CEP290: variants seen among roughly 807,000 people sequenced by gnomAD.
CEP290 encodes centrosomal protein 290, also known as centrosomal protein of 290 kDa.
A neutral mutation model predicts 344.9 loss-of-function variants in CEP290; 317 were observed. The ratio of observed to expected loss-of-function variants is 0.92; its 90% CI spans 0.84 to 1.01. The LOEUF (loss-of-function observed/expected upper bound fraction) is 1.01. Ranked by LOEUF, CEP290 falls within the 50% of genes least tolerant of loss-of-function variation. The pLI is 0.00. For missense variants in CEP290, 2,754 were observed against 2,761.4 expected (o/e 1.00, Z 0.06); for synonymous variants, 932 against 895.8 (o/e 1.04, Z -0.72).
Position 88,086,426 on chromosome 12 carries a change from G to A in CEP290, c.4267C>T (p.Arg1423Cys), listed in dbSNP as rs1353027764. Residue 1423 changes from arginine to cysteine, a missense_variant, in exon 33 of 54, where the codon CGT becomes TGT. Transcript: ENST00000552810. ...GCATTTAGTATTTCATTTTGCTGAC[G>A]GTCAAAAATGTCTAGTTGGCGTTCC... ...DLERQLDIFD[R>C]QQNEILNAAQ... 6.9e-6 allele frequency: 11 copies of A among 1,597,458 alleles called. No homozygotes were observed. Among genetic ancestry groups the A allele is most frequent in the African/African-American group, 2.7e-5 (2 of 74,626 alleles).
Position 88,096,921 on chromosome 12 carries a change from T to C in CEP290, c.3070A>G (p.Ile1024Val). 1.3e-6 allele frequency: 2 copies of C among 1,579,838 alleles called. No individual in the cohort carries two copies. The highest frequency in any genetic ancestry group is 1.7e-6 in the Non-Finnish European group (2 of 1,159,572). The part of the protein sequence containing the change: ...LEITKEKLHT[I>V]EQAWEQETKL... ...GTTTCCTGTTCCCAGGCTTGTTCAATAGTGTGAAGTTTTTCCTTGGTAATC... is the reference window on the plus strand; with the variant it reads ...GTTTCCTGTTCCCAGGCTTGTTCAACAGTGTGAAGTTTTTCCTTGGTAATC... Residue 1024 changes from isoleucine (I) to valine (V), a missense_variant, in exon 27 of 54, where the codon ATT becomes GTT. By Grantham distance (29) the Ile-to-Val change is conservative (BLOSUM62 3). Transcript: ENST00000552810.
intron 27 of CEP290, 129 bp downstream of exon 27, chr12:88,096,759 A>G: frequency 1.8e-6 from 1 of 556,484 alleles, no homozygotes; most frequent in Non-Finnish European, 3.1e-6. Flanking sequence ...TTAAATTATT[A>G]GGCAGAAAGT....
chr12:88,053,738 T>A lies in CEP290; in HGVS notation c.7043A>T (p.Asn2348Ile). 6.6e-7 allele frequency: 1 copy of A among 1,507,612 alleles called. No homozygotes were observed. The highest frequency in any genetic ancestry group is 9.0e-7 in the Non-Finnish European group (1 of 1,113,118). The allele number at this position is 1,507,612 out of a possible 1,614,324, so 93.4% of individuals were successfully genotyped here. A position where few individuals can be genotyped will look rare whatever the true frequency, so the allele number is the denominator to read the frequency against. The part of the protein sequence containing the change: ...KRELQVLRLA[N>I]HQLDKEKAEL... ...TGCTTTCTCTTTATCCAGCTGATGA[T>A]TAGCTAATCTAGAACACAATGATAA... The change falls in exon 52 of 54, where the codon AAT becomes ATT. Residue 2348 changes from asparagine (N) to isoleucine (I), a missense_variant. By Grantham distance (149) the Asn-to-Ile change is moderately radical. Transcript: ENST00000552810.
intron 26 of CEP290, among the ~76,000 whole-genome samples, chr12:88,098,201 A>G (rs1229857515): frequency 6.6e-6 from 1 of 151,944 alleles, no homozygotes; most frequent in Non-Finnish European, 1.5e-5. Context: ...GCTACTCAGG[A>G]GACTGAGGCA....
Position 88,086,432 on chromosome 12 carries a change from A to C in CEP290, c.4261T>G (p.Phe1421Val). 1 of 1,599,618 alleles carries C rather than the reference A, an allele frequency of 6.3e-7. No individual in the cohort carries two copies. Among genetic ancestry groups the C allele is most frequent in the Non-Finnish European group, 8.5e-7 (1 of 1,171,658 alleles). ...AGTATTTCATTTTGCTGACGGTCAA[A>C]AATGTCTAGTTGGCGTTCCAGGTCA... Reference protein sequence around the residue: ...EVDLERQLDIFDRQQNEILNA... With the variant: ...EVDLERQLDIVDRQQNEILNA... Residue 1421 changes from phenylalanine (F) to valine (V), a missense_variant, in exon 33 of 54, where the codon TTT becomes GTT. Phe to Val is a conservative substitution (Grantham distance 50). Transcript: ENST00000552810.
chr12:88,131,338 A>G, intron 6 of CEP290, 120 bp from the exon 7 acceptor site: 1 of 622,982 alleles, frequency 1.6e-6, no homozygotes, highest in Middle Eastern at 4.4e-4. Context: ...ATCTCGGCTC[A>G]CTGCAACCTC....
In CEP290 at chr12:88,106,985, G is replaced by T; in HGVS notation, c.2586+11C>A. 2 of 1,534,894 alleles carry T rather than the reference G, an allele frequency of 1.3e-6. No individual in the cohort carries two copies. The highest frequency in any genetic ancestry group is 2.4e-5 in the East Asian group (1 of 42,412). ...AATATTGCATACTAATGTTAAAAAT[G>T]TTTTACTTACATTATATTCTTTTAC... On this transcript the variant is annotated intron_variant, in intron 24 of 53. Coordinates refer to ENST00000552810, the MANE Select transcript of CEP290 (RefSeq NM_025114.4).
rs1049310567 is a variant in CEP290 at position 88,060,814 on chromosome 12, C to T, written c.6522+16G>A. 10 of 1,392,070 alleles carry T rather than the reference C, an allele frequency of 7.2e-6. No individual in the cohort carries two copies. Among genetic ancestry groups the T allele is most frequent in the African/African-American group, 1.6e-5 (1 of 62,850 alleles). The allele number at this position is 1,392,070 out of a possible 1,614,324, so 86.2% of individuals were successfully genotyped here. A position where few individuals can be genotyped will look rare whatever the true frequency, so the allele number is the denominator to read the frequency against. On this transcript the variant is annotated intron_variant, in intron 47 of 53. Transcript: ENST00000552810. ...TAAAATATTCCCCTAAAAATGATCACATTAAAAAAAATTACCTTCAATTTT... is the reference window on the plus strand; with the variant it reads ...TAAAATATTCCCCTAAAAATGATCATATTAAAAAAAATTACCTTCAATTTT...
At chr12:88,070,376 T>G (rs554383518) in intron 43 of CEP290, among the ~76,000 whole-genome samples, 1 of 152,208 alleles carries the variant, frequency 6.6e-6, no homozygotes, top group African/African-American at 2.4e-5. Context: ...GATGGGTGTC[T>G]GCACTGACAG....
Position 88,077,267 on chromosome 12 carries a change from T to C in CEP290, c.5664A>G (p.Leu1888=). The stretch of plus-strand genomic sequence containing the variant: ...GGTCTACTTCCTCCACCTTTCCCTC[T>C]AATTGGTTCTCTAGTTTTTTAACTT... ...QRKVKKLENQ[L]EGKVEEVDLK... is the part of the protein sequence containing the mutation. The change falls in exon 41 of 54, where the codon TTA becomes TTG. Residue 1888 remains leucine (L), a synonymous_variant. Coordinates refer to ENST00000552810, the MANE Select transcript of CEP290 (RefSeq NM_025114.4). The C allele has an allele frequency of 6.2e-7, 1 of 1,605,966 alleles. No homozygotes were observed. The highest frequency in any genetic ancestry group is 1.1e-5 in the South Asian group (1 of 89,526).
intron 44 of CEP290, among the ~76,000 whole-genome samples, chr12:88,066,856 T>C (rs1454075311): frequency 1.3e-5 from 2 of 152,050 alleles, no homozygotes; most frequent in South Asian, 2.1e-4. Flanking sequence ...TCTCAAACTC[T>C]TGGCCTCAAG....
At position 88,080,170 on chromosome 12, in the gene CEP290, G is replaced by A; in HGVS notation, c.5226+12C>T. 6.5e-7 allele frequency: 1 copy of A among 1,546,652 alleles called. No individual in the cohort carries two copies. The highest frequency in any genetic ancestry group is 8.8e-7 in the Non-Finnish European group (1 of 1,137,058). ...TTTTCCTAAATGTTGATAATTTTCT[G>A]TTGTTACTTACTTTCTGTTGTTTCT... is the stretch of plus-strand genomic sequence containing the variant. On this transcript the variant is annotated intron_variant, in intron 38 of 53. Transcript: ENST00000552810.
Position 88,092,629 on chromosome 12 carries a change from A to G in CEP290, c.3461+52T>C. ...CCTGTAATTGGGTTTCTTAAAGACAAATTAAAGAAGATACATCTAGTCAAA... is the reference window on the plus strand; with the variant it reads ...CCTGTAATTGGGTTTCTTAAAGACAGATTAAAGAAGATACATCTAGTCAAA... On this transcript the variant is annotated intron_variant, in intron 29 of 53. Coordinates refer to ENST00000552810, the MANE Select transcript of CEP290 (RefSeq NM_025114.4). The G allele has an allele frequency of 2.0e-6, 3 of 1,517,970 alleles. 1 individual carries two copies. Among genetic ancestry groups the G allele is most frequent in the Non-Finnish European group, 1.8e-6 (2 of 1,128,452 alleles). The allele number at this position is 1,517,970 out of a possible 1,614,324, so 94.0% of individuals were successfully genotyped here. A position where few individuals can be genotyped will look rare whatever the true frequency, so the allele number is the denominator to read the frequency against.
chr12:88,139,750 T>C (rs2040540161), intron 3 of CEP290, among the ~76,000 whole-genome samples, 186 bp from the exon 4 acceptor site: 1 of 152,188 alleles, frequency 6.6e-6, no homozygotes, highest in South Asian at 2.1e-4. Flanking sequence ...GCTTTTGAGA[T>C]AGGGCCTCAC....
intron 49 of CEP290, among the ~76,000 whole-genome samples, chr12:88,056,839 T>C (rs2034047627): frequency 1.3e-5 from 2 of 152,036 alleles, no homozygotes; most frequent in Admixed American, 1.3e-4. Context: ...GAGAAGGGTA[T>C]ATAATCCTCC....
At position 88,141,232 on chromosome 12, in the gene CEP290, C is replaced by T; in HGVS notation, c.76G>A (p.Asp26Asn). The T allele has an allele frequency of 6.2e-7, 1 of 1,610,142 alleles. No homozygotes were observed. The highest frequency in any genetic ancestry group is 8.5e-7 in the Non-Finnish European group (1 of 1,178,514). ...TTGGATAAGGAAATCAATAAATTAT[C>T]TGCCAGTTCTTCTTGACGGGGCAGG... The part of the protein sequence containing the change: ...DDLPRQEELA[D>N]NLLISLSKVE... Residue 26 changes from aspartate to asparagine, a missense_variant, in exon 2 of 54, where the codon GAT (aspartate) becomes AAT (asparagine). By Grantham distance (23) the Asp-to-Asn change is conservative (BLOSUM62 1). Transcript: ENST00000552810.
rs794727563 is a variant in CEP290, at chr12:88,087,824, G to A, written c.4150C>T (p.Arg1384Cys). Residue 1384 changes from arginine to cysteine, a missense_variant, in exon 32 of 54, where the codon CGT becomes TGT. Coordinates refer to ENST00000552810, the MANE Select transcript of CEP290 (RefSeq NM_025114.4). ...YLNNIISEYE[R>C]TISSLEEEIV... The stretch of plus-strand genomic sequence containing the variant: ...TCTTCTTCAAGACTGCTGATTGTAC[G>A]TTCATATTCAGAAATTATGTTATTC... 2.0e-5 allele frequency: 26 copies of A among 1,285,596 alleles called. No individual in the cohort carries two copies. Among genetic ancestry groups the A allele is most frequent in the South Asian group, 5.3e-5 (2 of 37,422 alleles). The allele number at this position is 1,285,596 out of a possible 1,614,324, so 79.6% of individuals were successfully genotyped here.
intron 52 of CEP290, among the ~76,000 whole-genome samples, chr12:88,050,706 A>G (rs1455461638): frequency 1.3e-5 from 2 of 152,210 alleles, no homozygotes; most frequent in African/African-American, 2.4e-5. Flanking sequence ...GAAATTTTAC[A>G]TGGAAAAAAT....
At chr12:88,115,448 AT>A in intron 18 of CEP290, 1 of 1,267,692 alleles carries the variant, frequency 7.9e-7, no homozygotes, top group South Asian at 1.3e-5. Context: ...TACCACAATC[AT>A]CTCTTTTAAT....
Sources: gnomAD v4.1 joint callset for allele counts (sites outside exome capture counted in the v4.1 genomes callset) on GRCh38, gnomAD v4.1.1 for gene constraint, MANE v1.5 for transcripts, NCBI Gene and HGNC (gene_info 2026-07-23, HGNC 2026-07-21) for gene names.